The following HS3ST4 variants were observed in gnomAD, a reference collection of about 807,000 sequenced individuals.
HS3ST4 encodes the protein heparan sulfate glucosamine 3-O-sulfotransferase 4.
In HS3ST4, 17 loss-of-function variants were observed where a neutral mutation model predicts 29.2. The observed-to-expected ratio is 0.58, with a 90% confidence interval of 0.40 to 0.87. HS3ST4 has a LOEUF of 0.87. HS3ST4 is among the 40% of genes least tolerant of loss of function. The pLI is 0.00. For missense variants in HS3ST4, 627 were observed against 634.5 expected, an observed-to-expected ratio of 0.99 and a Z score of 0.13; for synonymous variants, 314 against 285.7, an observed-to-expected ratio of 1.10 and a Z score of -1.00.
chr16:25,828,258 T>TTCTCTCTCTCTC (rs1967246550), intron 1 of HS3ST4, among the ~76,000 whole-genome samples: 1 of 87,046 alleles, frequency 1.1e-5, no homozygotes, highest in African/African-American at 4.6e-5. Context: ...CTTTCTTTCT[T>TTCTCTCTCTCTC]TCTTTCTTTC....
In HS3ST4 at chr16:25,956,434, C is replaced by T. The variant is rs1454004539; in HGVS notation, c.735-179178C>T. Among the ~76,000 whole-genome samples, 9 of 152,172 alleles carry T rather than the reference C, an allele frequency of 5.9e-5. No individual in the cohort carries two copies. The East Asian group carries it at 1.7e-3, about 29-fold the overall frequency. On this transcript the variant is annotated intron_variant, in intron 1 of 1. Coordinates refer to ENST00000331351, the MANE Select transcript of HS3ST4 (RefSeq NM_006040.3). The stretch of plus-strand genomic sequence containing the variant: ...GATGCCCCTTTTTACCACTTCTATT[C>T]AACCTAATACTCAAAGTCCTAGGCA...
intron 1 of HS3ST4, among the ~76,000 whole-genome samples, chr16:25,697,086 A>G (rs1477276294): frequency 2.0e-5 from 3 of 152,222 alleles, no homozygotes; most frequent in Non-Finnish European, 4.4e-5. Context: ...ACTAGGAAGC[A>G]TATACCCTGT....
At chr16:26,112,304 T>A (rs1899142738) in intron 1 of HS3ST4, among the ~76,000 whole-genome samples, 1 of 151,498 alleles carries the variant, frequency 6.6e-6, no homozygotes. Context: ...TATCTAAGAT[T>A]AACTTGGGTG....
chr16:26,084,352 C>T (rs1244331213), intron 1 of HS3ST4, among the ~76,000 whole-genome samples: 1 of 152,224 alleles, frequency 6.6e-6, no homozygotes, highest in Non-Finnish European at 1.5e-5. Context: ...CTTTTCTCAA[C>T]ACCGTCAGGG....
intron 1 of HS3ST4, among the ~76,000 whole-genome samples, chr16:25,772,438 G>C (rs1332018122): frequency 6.6e-6 from 1 of 152,150 alleles, no homozygotes; most frequent in Non-Finnish European, 1.5e-5. Context: ...GTAAGTTACA[G>C]AGCCTCTCTG....
intron 1 of HS3ST4, among the ~76,000 whole-genome samples, chr16:25,785,746 T>C (rs577106252): frequency 1.3e-5 from 2 of 152,196 alleles, no homozygotes; most frequent in East Asian, 3.9e-4. Flanking sequence ...AGAGGGACCT[T>C]ACAGCTTCCG....
At chr16:26,055,063 C>T (rs553003954) in intron 1 of HS3ST4, among the ~76,000 whole-genome samples, 3 of 151,952 alleles carry the variant, frequency 2.0e-5, no homozygotes, top group South Asian at 2.1e-4. Context: ...TACCCAGCAC[C>T]GCCAGATCAC....
chr16:25,855,748 T>C (rs537762680), intron 1 of HS3ST4, among the ~76,000 whole-genome samples: 70 of 152,308 alleles, frequency 4.6e-4, no homozygotes, highest in Non-Finnish European at 9.4e-4. Flanking sequence ...TGTGTTTGTG[T>C]GTGTATGTTT....
At chr16:26,080,164 G>C (rs543711967) in intron 1 of HS3ST4, among the ~76,000 whole-genome samples, 1 of 152,158 alleles carries the variant, frequency 6.6e-6, no homozygotes, top group South Asian at 2.1e-4. Flanking sequence ...CGTGAGGTTC[G>C]AGGAGTCAGG....
At chr16:25,832,159 C>T (rs750063028) in intron 1 of HS3ST4, among the ~76,000 whole-genome samples, 7 of 152,076 alleles carry the variant, frequency 4.6e-5, no homozygotes, top group Non-Finnish European at 8.8e-5. Context: ...TTTCACTCAA[C>T]ATCTTCTTAC....
At chr16:25,733,286 G>C (rs1369896326) in intron 1 of HS3ST4, among the ~76,000 whole-genome samples, 1 of 151,992 alleles carries the variant, frequency 6.6e-6, no homozygotes, top group Non-Finnish European at 1.5e-5. Context: ...TCCCTGCTGG[G>C]CTAACTGGAT....
chr16:25,978,098 T>C (rs924451328), intron 1 of HS3ST4, among the ~76,000 whole-genome samples: 54 of 152,230 alleles, frequency 3.5e-4, no homozygotes, highest in African/African-American at 1.3e-3. Context: ...AGAACAATGC[T>C]ACCTTCAACG....
At chr16:25,959,063 T>C (rs1260639797) in intron 1 of HS3ST4, among the ~76,000 whole-genome samples, 1 of 151,944 alleles carries the variant, frequency 6.6e-6, no homozygotes, top group African/African-American at 2.4e-5. Context: ...GAGTTGGGAG[T>C]GAATCTCAAA....
intron 1 of HS3ST4, among the ~76,000 whole-genome samples, chr16:25,970,565 A>T (rs377326065): frequency 1.3e-5 from 2 of 151,320 alleles, no homozygotes; most frequent in East Asian, 3.9e-4. Flanking sequence ...GCTGGTATGC[A>T]GTGATGTGAT....
intron 1 of HS3ST4, among the ~76,000 whole-genome samples, chr16:25,998,380 A>G (rs560305336): frequency 6.6e-6 from 1 of 152,194 alleles, no homozygotes; most frequent in South Asian, 2.1e-4. Context: ...TCTAGATAGT[A>G]TACTTCTGTT....
intron 1 of HS3ST4, among the ~76,000 whole-genome samples, chr16:25,750,266 AGC>A (rs1966710599): frequency 6.6e-6 from 1 of 152,160 alleles, no homozygotes. Flanking sequence ...AACTTCTTAG[AGC>A]AGCTCAGAGC....
At chr16:25,991,632 C>G (rs1969114332) in intron 1 of HS3ST4, among the ~76,000 whole-genome samples, 1 of 152,204 alleles carries the variant, frequency 6.6e-6, no homozygotes, top group Admixed American at 6.5e-5. Flanking sequence ...CAAGTGGGCA[C>G]TAGGAATGTG....
chr16:25,893,771 A>C (rs963089338), intron 1 of HS3ST4, among the ~76,000 whole-genome samples: 4 of 152,214 alleles, frequency 2.6e-5, no homozygotes, highest in African/African-American at 9.6e-5. Context: ...AAACAAGGTG[A>C]TGGGCATTGG....
In HS3ST4 at chr16:26,133,405, C is replaced by T. The variant is rs1035552067; in HGVS notation, c.735-2207C>T. On this transcript the variant is annotated intron_variant, in intron 1 of 1. Coordinates refer to ENST00000331351, the MANE Select transcript of HS3ST4 (RefSeq NM_006040.3). ...ACTCTTAATTCAGGCAAATCTGATT[C>T]CCAGGGGCTGCATTCCTTAGCCCTG... 1.5e-4 allele frequency among the ~76,000 whole-genome samples: 23 copies of T among 152,140 alleles called. 1 individual carries two copies. The highest frequency in any genetic ancestry group is 6.6e-4 in the Admixed American group (10 of 15,264).
Sources: allele counts gnomAD v4.1 joint callset (sites outside exome capture counted in the v4.1 genomes callset), GRCh38; gene constraint gnomAD v4.1.1; transcripts MANE v1.5; gene names NCBI Gene and HGNC (gene_info 2026-07-23, HGNC 2026-07-21).